The following AKNA variants were observed in gnomAD, a reference collection of about 807,000 sequenced individuals.
AKNA encodes the protein microtubule organization protein AKNA.
In AKNA, 67 loss-of-function variants were observed where a neutral mutation model predicts 138.8. The ratio of observed to expected loss-of-function variants is 0.48; its 90% CI spans 0.40 to 0.59. The LOEUF is 0.59. Among genes scored for constraint, AKNA ranks in the 20% least tolerant of loss-of-function variants. The probability of loss-of-function intolerance (pLI) is 0.00; values close to 1 mark genes in which losing one functional copy is unlikely to be tolerated. For synonymous variants in AKNA, 737 were observed against 754.4 expected (o/e 0.98, Z 0.38); for missense variants, 1,813 against 1,880.4 (o/e 0.96, Z 0.66).
In AKNA at chr9:114,357,987, C is replaced by T. The variant is rs1221682826; in HGVS notation, c.2673G>A (p.Glu891=). ...GAAGGCGCTCAGAGATGCCGCTTCC[C>T]TCCAGGCTGGTCATACTACTTTGGT... ...ASHQSSMTSL[E]GSGISERLPQ... Residue 891 remains glutamate, a synonymous_variant, in exon 12 of 22, where the codon GAG becomes GAA. Coordinates refer to ENST00000374088, the MANE Select transcript of AKNA (RefSeq NM_001317950.2). 6.2e-7 allele frequency: 1 copy of T among 1,605,676 alleles called. No individual in the cohort carries two copies. Among genetic ancestry groups the T allele is most frequent in the South Asian group, 1.1e-5 (1 of 90,496 alleles).
At chr9:114,343,687 T>C (rs1350310867) in intron 19 of AKNA, 21 bp downstream of exon 19, 1 of 1,612,884 alleles carries the variant, frequency 6.2e-7, no homozygotes, top group Non-Finnish European at 8.5e-7. Context: ...CTGGGCCAGT[T>C]TTCCAGGTGC....
rs370133840 is a variant in AKNA at position 114,346,680 on chromosome 9, C to T, written c.3503G>A (p.Arg1168Gln). Residue 1168 changes from arginine to glutamine, a missense_variant, in exon 17 of 22, where the codon CGA becomes CAA. Physicochemically the swap from Arg to Gln is conservative, Grantham distance 43 (BLOSUM62 1). Coordinates refer to ENST00000374088, the MANE Select transcript of AKNA (RefSeq NM_001317950.2). ...RSSSVPREVL[R>Q]LSLSSESELP... is the part of the protein sequence containing the mutation. ...AGGTGGTCACTTACTCAGGGACAGTCGGAGCACCTCCCGAGGCACTGAGGA... is the reference window on the plus strand; with the variant it reads ...AGGTGGTCACTTACTCAGGGACAGTTGGAGCACCTCCCGAGGCACTGAGGA... The T allele has an allele frequency of 3.9e-5, 63 of 1,609,990 alleles. No individual in the cohort carries two copies. The South Asian group carries it at 5.6e-4, about 14-fold the overall frequency.
intron 3 of AKNA, among the ~76,000 whole-genome samples, chr9:114,374,769 T>C (rs1251450267): frequency 6.6e-6 from 1 of 152,232 alleles, no homozygotes; most frequent in Non-Finnish European, 1.5e-5. Context: ...TGTGAGGAAC[T>C]GACTCCTTCT....
At chr9:114,362,275 C>G (rs926394146) in intron 8 of AKNA, 131 bp downstream of exon 8, 2 of 1,353,512 alleles carry the variant, frequency 1.5e-6, no homozygotes, top group African/African-American at 2.9e-5. Context: ...GATATGTATA[C>G]TAATTAGGAT....
chr9:114,398,109 T>C (rs1191739880), upstream of AKNA, among the ~76,000 whole-genome samples: 3 of 132,634 alleles, frequency 2.3e-5, 1 homozygote, highest in East Asian at 7.2e-4. This position sits in a 1 kb window ranked among gnomAD's most constrained non-coding sequence, Gnocchi z 4.2. Context: ...CAGCCCCAGC[T>C]GGAAAGAGAA....
upstream of AKNA, among the ~76,000 whole-genome samples, chr9:114,396,011 A>C (rs529720498): frequency 1.5e-4 from 23 of 152,280 alleles, no homozygotes; most frequent in Non-Finnish European, 1.9e-4. Context: ...CAGGCTTTCT[A>C]TCTGTACAAG....
chr9:114,357,048 G>A (rs948260484), intron 12 of AKNA, 79 bp from the exon 13 acceptor site: 1 of 1,313,090 alleles, frequency 7.6e-7, no homozygotes, highest in Non-Finnish European at 1.0e-6. Context: ...TCGTGGCCTG[G>A]CCTCACCTCC....
In AKNA at chr9:114,381,138, G is replaced by A; in HGVS notation, c.196C>T (p.Leu66=). 1.2e-6 allele frequency: 2 copies of A among 1,613,846 alleles called. No individual in the cohort carries two copies. Among genetic ancestry groups the A allele is most frequent in the Non-Finnish European group, 1.7e-6 (2 of 1,179,856 alleles). ...LEDFRLAQQH[L]PPLEWDPHPQ... is the part of the protein sequence containing the mutation. ...TGTGGGTCCCACTCCAGGGGCGGCA[G>A]GTGCTGCTGGGCCAGGCGGAAGTCC... The change falls in exon 2 of 22, where the codon CTG becomes TTG. Residue 66 remains leucine (L), a synonymous_variant. Coordinates refer to ENST00000374088, the MANE Select transcript of AKNA (RefSeq NM_001317950.2).
chr9:114,383,027 T>A (rs1346598088), intron 1 of AKNA: 2 of 417,786 alleles, frequency 4.8e-6, no homozygotes, highest in Admixed American at 2.8e-5. Context: ...GAGTGAGGAG[T>A]GAGGCGAGCT....
At chr9:114,343,616 G>T (rs1345280231) in intron 19 of AKNA, 92 bp downstream of exon 19, 15 of 1,333,506 alleles carry the variant, frequency 1.1e-5, no homozygotes, top group Non-Finnish European at 1.5e-5. Flanking sequence ...TAAGTTCAGG[G>T]CAGGCCAGAT....
upstream of AKNA, among the ~76,000 whole-genome samples, chr9:114,395,282 A>G (rs1396657933): frequency 2.0e-5 from 3 of 152,070 alleles, no homozygotes; most frequent in African/African-American, 7.2e-5. Context: ...CGCAGGACAC[A>G]CTCAGAAAAT....
chr9:114,361,576 T>C, intron 9 of AKNA, 128 bp downstream of exon 9: 1 of 1,037,958 alleles, frequency 9.6e-7, no homozygotes, highest in South Asian at 1.4e-5. Flanking sequence ...ATATGTAATA[T>C]TTACATATTT....
chr9:114,361,849 T>C lies in AKNA; in HGVS notation c.1979A>G (p.Asp660Gly), dbSNP rs1308157815. 1 of 1,611,438 alleles carries C rather than the reference T, an allele frequency of 6.2e-7. No individual in the cohort carries two copies. The highest frequency in any genetic ancestry group is 1.3e-5 in the African/African-American group (1 of 74,972). The change falls in exon 9 of 22, where the codon GAC (aspartate) becomes GGC (glycine). Residue 660 changes from aspartate to glycine, a missense_variant. By Grantham distance (94) the Asp-to-Gly change is moderately conservative (BLOSUM62 -1). Transcript: ENST00000374088. The part of the protein sequence containing the change: ...SCLEELKEHI[D>G]QTQQEPEPPG... ...CGGCTCAGGCTCTTGCTGGGTCTGG[T>C]CTATGTGTTCCTTCAGCTCTTCCAG...
At chr9:114,357,161 G>A (rs1831559790) in intron 12 of AKNA, among the ~76,000 whole-genome samples, 192 bp from the exon 13 acceptor site, 1 of 152,142 alleles carries the variant, frequency 6.6e-6, no homozygotes, top group South Asian at 2.1e-4. Context: ...CTGGCTACCA[G>A]CAGGGACTCT....
intron 21 of AKNA, among the ~76,000 whole-genome samples, chr9:114,338,849 A>G (rs58957650): frequency 0.062 from 9,500 of 152,254 alleles, 1,035 homozygotes; most frequent in African/African-American, 0.22. Flanking sequence ...ACCCAGAGTC[A>G]GACAGCTGGA....
rs1833257298 is a variant in AKNA at position 114,376,858 on chromosome 9, G to A, written c.949C>T (p.Pro317Ser). The stretch of plus-strand genomic sequence containing the variant: ...GTTGGCCTGGGCTGGGGATTCAGGG[G>A]GCTGATGGAGCCAATGAATCGGGAA... ...LPSRFIGSISPLNPQPRPTRQ... is the reference protein window; with the variant it reads ...LPSRFIGSISSLNPQPRPTRQ... The change falls in exon 3 of 22, where the codon CCC becomes TCC. Residue 317 changes from proline to serine, a missense_variant. Transcript: ENST00000374088. 6.2e-7 allele frequency: 1 copy of A among 1,614,152 alleles called. No homozygotes were observed.
In AKNA at chr9:114,356,147, G is replaced by A. The variant is rs775894179; in HGVS notation, c.2847-11C>T. ...AATGTTCCTGCTGTGCTGGGGGACC[G>A]TGGAGGAAGGGACACACAGGGGTCA... On this transcript the variant is annotated splice_polypyrimidine_tract_variant and intron_variant, in intron 13 of 21. Coordinates refer to ENST00000374088, the MANE Select transcript of AKNA (RefSeq NM_001317950.2). The A allele has an allele frequency of 1.8e-5, 29 of 1,608,076 alleles. 1 individual carries two copies. Among genetic ancestry groups the A allele is most frequent in the East Asian group, 6.7e-5 (3 of 44,824 alleles).
intron 6 of AKNA, 80 bp from the exon 7 acceptor site, chr9:114,364,699 G>A: frequency 1.4e-6 from 2 of 1,449,382 alleles, no homozygotes; most frequent in Non-Finnish European, 1.9e-6. Context: ...TCTATGCCTT[G>A]GTAAGAGGAG....
At chr9:114,343,861 G>A in intron 18 of AKNA, 58 bp from the exon 19 acceptor site, 1 of 1,406,562 alleles carries the variant, frequency 7.1e-7, no homozygotes, top group East Asian at 2.3e-5. Flanking sequence ...CAAAATAGAG[G>A]AAGATTCTGG....
Sources: gnomAD v4.1 joint callset for allele counts (sites outside exome capture counted in the v4.1 genomes callset) on GRCh38, gnomAD v4.1.1 for gene constraint, Gnocchi (gnomAD v3.1) non-coding constraint, MANE v1.5 for transcripts, NCBI Gene and HGNC (gene_info 2026-07-23, HGNC 2026-07-21) for gene names.